GABRD: variants seen among roughly 807,000 people sequenced by gnomAD.
GABRD encodes gamma-aminobutyric acid type A receptor subunit delta.
Under a neutral mutation model 47.3 loss-of-function variants are expected in GABRD, and 25 were observed. The ratio of observed to expected loss-of-function variants is 0.53; its 90% confidence interval spans 0.39 to 0.74. The LOEUF (loss-of-function observed/expected upper bound fraction) is 0.74, where lower values mean the gene tolerates loss of function less well. GABRD is among the 30% of genes least tolerant of loss of function. The pLI is 0.00. For synonymous variants in GABRD, 314 were observed against 278.8 expected (o/e 1.13, Z -1.26); for missense variants, 497 against 643.4 (o/e 0.77, Z 2.46).
In GABRD at chr1:2,028,816, A is replaced by C; in HGVS notation, c.692-295A>C. 2.1e-6 allele frequency: 1 copy of C among 470,228 alleles called. No individual in the cohort carries two copies. Among genetic ancestry groups the C allele is most frequent in the Non-Finnish European group, 3.8e-6 (1 of 264,144 alleles). The allele number at this position is 470,228 out of a possible 1,614,324, so 29.1% of individuals were successfully genotyped here. On this transcript the variant is annotated intron_variant, in intron 6 of 8. Transcript: ENST00000378585. This position sits in a 1 kb window ranked among gnomAD's most constrained non-coding sequence, Gnocchi z 6.4. ...GGAGAGAAAGGGGTGAGCCCTCCCC[A>C]TTGGTTGCGAGGGTCCCTCAGGGCC...
chr1:2,022,644 C>A (rs951552550), intron 1 of GABRD, among the ~76,000 whole-genome samples: 27 of 152,266 alleles, frequency 1.8e-4, no homozygotes, highest in African/African-American at 5.3e-4. Flanking sequence ...CCTTTGCGTC[C>A]GACCTTCAAG....
In GABRD at chr1:2,029,660, C is replaced by T. The variant is rs1192236447; in HGVS notation, c.957C>T (p.Val319=). The T allele has an allele frequency of 1.2e-6, 2 of 1,613,474 alleles. No individual in the cohort carries two copies. Among genetic ancestry groups the T allele is most frequent in the African/African-American group, 1.3e-5 (1 of 74,938 alleles). Residue 319 remains valine, a synonymous_variant, in exon 8 of 9, where the codon GTC becomes GTT. Transcript: ENST00000378585. ...ACGTCTACTTCTGGATCTGCTATGTCTTCGTGTTTGCCGCCCTGGTGGAGT... is the reference window on the plus strand; with the variant it reads ...ACGTCTACTTCTGGATCTGCTATGTTTTCGTGTTTGCCGCCCTGGTGGAGT... ...ALDVYFWICY[V]FVFAALVEYA...
At chr1:2,027,924 C>T (rs763106726) in intron 5 of GABRD, 8 of 612,766 alleles carry the variant, frequency 1.3e-5, no homozygotes, top group Non-Finnish European at 2.3e-5. Context: ...GTGCAGCAGC[C>T]CCTGTGTGTC....
At position 2,027,662 on chromosome 1, in the gene GABRD, G is replaced by T; in HGVS notation, c.553+3G>T. ...GTGCATGCTGGACCTGGAGAGCTGT[G>T]AGTGGGTGTGCAAGGCGGGTAGGGG... is the stretch of plus-strand genomic sequence containing the variant. On this transcript the variant is annotated splice_donor_region_variant and intron_variant, in intron 5 of 8. Transcript: ENST00000378585. 1 of 1,613,490 alleles carries T rather than the reference G, an allele frequency of 6.2e-7. No homozygotes were observed. The highest frequency in any genetic ancestry group is 1.1e-5 in the South Asian group (1 of 91,028).
At position 2,030,460 on chromosome 1, in the gene GABRD, C is replaced by A; in HGVS notation, c.*178C>A. 2.0e-6 allele frequency: 1 copy of A among 506,920 alleles called. No homozygotes were observed. The highest frequency in any genetic ancestry group is 3.3e-6 in the Non-Finnish European group (1 of 303,250). The allele number at this position is 506,920 out of a possible 1,614,324, so 31.4% of individuals were successfully genotyped here. On this transcript the variant is annotated 3_prime_UTR_variant, in exon 9 of 9. Coordinates refer to ENST00000378585, the MANE Select transcript of GABRD (RefSeq NM_000815.5). ...TCCCTGAGCTCTGACCCCAGCCTCA[C>A]CCGAAAGGCCAGCCTGGGGCTCTCC...
At chr1:2,022,770 G>A (rs1003206868) in intron 1 of GABRD, among the ~76,000 whole-genome samples, 6 of 152,246 alleles carry the variant, frequency 3.9e-5, no homozygotes, top group Non-Finnish European at 5.9e-5. Context: ...TGGGGGTCCC[G>A]TGGGCGCGGG....
At chr1:2,027,813 G>A in intron 5 of GABRD, 154 bp downstream of exon 5, 2 of 740,888 alleles carry the variant, frequency 2.7e-6, no homozygotes, top group Middle Eastern at 6.9e-4. Context: ...GGAGGAGAAG[G>A]GGCCAGAAAG....
intron 8 of GABRD, 58 bp from the exon 9 acceptor site, chr1:2,029,925 G>T (rs1659036824): frequency 6.3e-7 from 1 of 1,594,908 alleles, no homozygotes; most frequent in Admixed American, 1.7e-5. Context: ...TGTGGTCCAG[G>T]GCCCTGGGAG....
At position 2,029,975 on chromosome 1, in the gene GABRD, T is replaced by A. The variant is rs76809996; in HGVS notation, c.1060-8T>A. On this transcript the variant is annotated splice_region_variant and splice_polypyrimidine_tract_variant and intron_variant, in intron 8 of 8. Transcript: ENST00000378585. ...TCAGCCCTGTCTCCCCCACCGGCCT[T>A]CGTGCAGATGGACGTGAGGAACGCC... The A allele has an allele frequency of 6.4e-4, 1,029 of 1,612,146 alleles. 1 individual carries two copies. The highest frequency in any genetic ancestry group is 8.4e-4 in the Non-Finnish European group (991 of 1,179,654).
In GABRD at chr1:2,024,975, C is replaced by A; in HGVS notation, c.102C>A (p.Ser34=). 2 of 1,613,008 alleles carry A rather than the reference C, an allele frequency of 1.2e-6. No homozygotes were observed. Among genetic ancestry groups the A allele is most frequent in the Non-Finnish European group, 1.7e-6 (2 of 1,179,884 alleles). Residue 34 remains serine, a synonymous_variant, in exon 2 of 9, where the codon TCC becomes TCA. Coordinates refer to ENST00000378585, the MANE Select transcript of GABRD (RefSeq NM_000815.5). ...AMNDIGDYVG[S]NLEISWLPNL... ...ATGACATCGGCGACTACGTGGGCTC[C>A]AACCTGGAGATCTCCTGGCTCCCCA...
At position 2,029,805 on chromosome 1, in the gene GABRD, C is replaced by G. The variant is rs966994022; in HGVS notation, c.1059+43C>G. ...AGCCAGGGACAGCACTGCTGGGGGCCCCAACCAGGACCCTTCAGCTGCCCC... is the reference window on the plus strand; with the variant it reads ...AGCCAGGGACAGCACTGCTGGGGGCGCCAACCAGGACCCTTCAGCTGCCCC... On this transcript the variant is annotated intron_variant, in intron 8 of 8. Coordinates refer to ENST00000378585, the MANE Select transcript of GABRD (RefSeq NM_000815.5). The G allele has an allele frequency of 3.2e-6, 5 of 1,574,312 alleles. No individual in the cohort carries two copies. The South Asian group carries it at 5.5e-5, about 17-fold the overall frequency.
intron 1 of GABRD, chr1:2,024,654 C>T (rs1478077281): frequency 7.5e-6 from 2 of 267,544 alleles, no homozygotes; most frequent in Non-Finnish European, 1.4e-5. Context: ...GGGGCTCTGT[C>T]CAACCCAGGG....
rs369531661 is a variant in GABRD, at chr1:2,021,615, G to A, written c.68+2124G>A. On this transcript the variant is annotated intron_variant, in intron 1 of 8. Transcript: ENST00000378585. Reference sequence around the variant, plus strand: ...GGGTCGGCCCGGAGTGTGAAGACCCGTGCACGCGGCAGGCACCGAGCTTGC... The same window carrying A: ...GGGTCGGCCCGGAGTGTGAAGACCCATGCACGCGGCAGGCACCGAGCTTGC... Among the ~76,000 whole-genome samples the A allele has an allele frequency of 3.0e-4, 45 of 152,270 alleles. 3 individuals carry two copies. Among genetic ancestry groups the A allele is most frequent in the East Asian group, 2.9e-3 (15 of 5,178 alleles).
rs765199464 is a variant in GABRD at position 2,025,646 on chromosome 1, C to T, written c.378C>T (p.Ile126=). 6.2e-6 allele frequency: 10 copies of T among 1,612,940 alleles called. No homozygotes were observed. The East Asian group carries it at 1.1e-4, about 18-fold the overall frequency. The stretch of plus-strand genomic sequence containing the variant: ...AGCTGTGGCTGCCCGACACCTTCAT[C>T]GTGAACGCCAAGTCGGCCTGGTTCC... ...VDKLWLPDTF[I]VNAKSAWFHD... is the part of the protein sequence containing the mutation. Residue 126 remains isoleucine, a synonymous_variant, in exon 4 of 9, where the codon ATC becomes ATT. Coordinates refer to ENST00000378585, the MANE Select transcript of GABRD (RefSeq NM_000815.5).
In GABRD at chr1:2,030,065, G is replaced by T; in HGVS notation, c.1142G>T (p.Arg381Leu). Residue 381 changes from arginine to leucine, a missense_variant, in exon 9 of 9, where the codon CGC (arginine) becomes CTC (leucine). By Grantham distance (102) the Arg-to-Leu change is moderately radical. Transcript: ENST00000378585. ...GAGCTGGCCATCTCCCGCCGGCAGC[G>T]CCGCGTCCCGGGGAACCTGATGGGC... Reference protein sequence around the residue: ...TQELAISRRQRRVPGNLMGSY... With the variant: ...TQELAISRRQLRVPGNLMGSY... 1 of 1,610,224 alleles carries T rather than the reference G, an allele frequency of 6.2e-7. No individual in the cohort carries two copies. The highest frequency in any genetic ancestry group is 8.5e-7 in the Non-Finnish European group (1 of 1,178,754).
Position 2,024,898 on chromosome 1 carries a change from A to C in GABRD, c.69-44A>C, listed in dbSNP as rs1462024327. 2.1e-6 allele frequency: 3 copies of C among 1,426,430 alleles called. No homozygotes were observed. In the African/African-American group the frequency reaches 4.2e-5, roughly 20 times the overall value. 88.4% of individuals were successfully genotyped at this position (1,426,430 alleles called of 1,614,324 possible). ...GAAGGGACCCAGGCTCAGTGGAATT[A>C]AATTAAGTCCTGGCCTGTCTGACCG... On this transcript the variant is annotated intron_variant, in intron 1 of 8. Coordinates refer to ENST00000378585, the MANE Select transcript of GABRD (RefSeq NM_000815.5).
chr1:2,029,163 C>T lies in GABRD; in HGVS notation c.744C>T (p.Gly248=), dbSNP rs760689938. The stretch of plus-strand genomic sequence containing the variant: ...ACTTCCACCTGCGGAGGAACCGCGG[C>T]GTGTACATCATCCAATCCTACATGC... ...SLHFHLRRNR[G]VYIIQSYMPS... is the part of the protein sequence containing the mutation. The change falls in exon 7 of 9, where the codon GGC becomes GGT. Residue 248 remains glycine (G), a synonymous_variant. Transcript: ENST00000378585. 9.7e-6 allele frequency: 15 copies of T among 1,551,484 alleles called. No individual in the cohort carries two copies. Among genetic ancestry groups the T allele is most frequent in the South Asian group, 5.9e-5 (5 of 84,258 alleles).
At chr1:2,021,671 G>A (rs535741587) in intron 1 of GABRD, among the ~76,000 whole-genome samples, 18 of 152,282 alleles carry the variant, frequency 1.2e-4, no homozygotes, top group South Asian at 4.1e-4. Flanking sequence ...TGGCCCTCCC[G>A]GGCTGCCGGC....
chr1:2,028,955 C>T lies in GABRD; in HGVS notation c.692-156C>T. The stretch of plus-strand genomic sequence containing the variant: ...AGACCTAGGGCCGGAGGCCCCCTGA[C>T]ATTTCAGGCCATGTGGTTGGTGGGG... On this transcript the variant is annotated intron_variant, in intron 6 of 8. Transcript: ENST00000378585. This position sits in a 1 kb window ranked among gnomAD's most constrained non-coding sequence, Gnocchi z 6.4. The T allele has an allele frequency of 1.1e-6, 1 of 917,756 alleles. No homozygotes were observed. Among genetic ancestry groups the T allele is most frequent in the South Asian group, 1.7e-5 (1 of 58,878 alleles). The allele number at this position is 917,756 out of a possible 1,614,324, so 56.9% of individuals were successfully genotyped here.
Sources: allele counts gnomAD v4.1 joint callset (sites outside exome capture counted in the v4.1 genomes callset), GRCh38; gene constraint gnomAD v4.1.1; non-coding constraint Gnocchi (gnomAD v3.1); transcripts MANE v1.5; gene names NCBI Gene and HGNC (gene_info 2026-07-23, HGNC 2026-07-21).